Variants in RFX4 observed in about 807,000 individuals in gnomAD.
RFX4 encodes the protein transcription factor RFX4.
RFX4 carries 10 observed loss-of-function variants against 95.0 expected under a neutral mutation model. The ratio of observed to expected loss-of-function variants is 0.11; its 90% CI spans 0.06 to 0.18. RFX4 has a LOEUF of 0.18. Ranked by LOEUF, RFX4 falls within the 10% of genes least tolerant of loss-of-function variation. RFX4 has a pLI of 1.00. For synonymous variants in RFX4, 321 were observed against 340.7 expected (o/e 0.94, Z 0.64); for missense variants, 640 against 922.0 (o/e 0.69, Z 3.96).
intron 14 of RFX4, among the ~76,000 whole-genome samples, chr12:106,732,487 A>G (rs865881366): frequency 2.6e-5 from 4 of 152,164 alleles, no homozygotes; most frequent in Middle Eastern, 3.4e-3. Flanking sequence ...CTCACTTCAG[A>G]CCAGAGTTCA....
At chr12:106,613,544 A>G (rs1365963848) in intron 2 of RFX4, among the ~76,000 whole-genome samples, 1 of 151,744 alleles carries the variant, frequency 6.6e-6, no homozygotes. Flanking sequence ...TTGTATTTTT[A>G]GTTGAGATGG....
At chr12:106,608,357 T>A (rs530060113) in intron 1 of RFX4, among the ~76,000 whole-genome samples, 1 of 152,332 alleles carries the variant, frequency 6.6e-6, no homozygotes, top group East Asian at 1.9e-4. Context: ...TTTTACCTGC[T>A]TTTCTCTTTG....
chr12:106,638,397 T>C (rs149065770), intron 2 of RFX4, among the ~76,000 whole-genome samples: 12 of 152,352 alleles, frequency 7.9e-5, no homozygotes, highest in African/African-American at 2.4e-4. Context: ...ATTTTTACTA[T>C]TGATGCACAA....
At chr12:106,600,114 T>C (rs1318328636) in intron 1 of RFX4, among the ~76,000 whole-genome samples, 1 of 152,162 alleles carries the variant, frequency 6.6e-6, no homozygotes, top group Admixed American at 6.5e-5. Context: ...GCATCTCCTA[T>C]AGCATCTCAT....
chr12:106,661,254 A>G lies in RFX4; in HGVS notation c.315+6903A>G, dbSNP rs2041066898. On this transcript the variant is annotated intron_variant, in intron 4 of 17. Transcript: ENST00000392842. The stretch of plus-strand genomic sequence containing the variant: ...TATTAGCCCAAAACACTTTTCAACT[A>G]GAAATCATAAAATAGCTAACACTGA... 2.6e-5 allele frequency among the ~76,000 whole-genome samples: 4 copies of G among 152,236 alleles called. No homozygotes were observed. In the South Asian group the frequency reaches 8.3e-4, roughly 32 times the overall value.
chr12:106,683,493 A>ACC lies in RFX4; in HGVS notation c.377+1439_377+1440insCC, dbSNP rs1565977762. 2.5e-5 allele frequency: 3 copies of ACC among 121,862 alleles called. 1 individual carries two copies. The highest frequency in any genetic ancestry group is 4.8e-4 in the East Asian group (2 of 4,124). 7.5% of individuals were successfully genotyped at this position (121,862 alleles called of 1,614,324 possible). On this transcript the variant is annotated intron_variant, in intron 5 of 17. Coordinates refer to ENST00000392842, the MANE Select transcript of RFX4 (RefSeq NM_213594.3). Reference sequence around the variant, plus strand: ...AAAAAAAAAAAAAAAAAAAAAAAAAAAAACAAACCTCAGTTATAATTTTAA... The same window carrying ACC: ...AAAAAAAAAAAAAAAAAAAAAAAAAACCAAACAAACCTCAGTTATAATTTTAA...
intron 17 of RFX4, among the ~76,000 whole-genome samples, chr12:106,753,206 C>A (rs1247445005): frequency 6.6e-6 from 1 of 152,148 alleles, no homozygotes; most frequent in Admixed American, 6.5e-5. Context: ...CTCCCTCCCT[C>A]CCCGCAGCCA....
chr12:106,644,230 C>CTTTTTTTTTTTTT (rs756140160), intron 3 of RFX4, among the ~76,000 whole-genome samples: 1 of 128,434 alleles, frequency 7.8e-6, no homozygotes, highest in Non-Finnish European at 1.7e-5. Flanking sequence ...GCCATTTCCC[C>CTTTTTTTTTTTTT]TTTTTTTTTT....
chr12:106,707,971 A>G (rs2042118801), intron 8 of RFX4, among the ~76,000 whole-genome samples: 1 of 152,178 alleles, frequency 6.6e-6, no homozygotes, highest in Non-Finnish European at 1.5e-5. Context: ...CATCTCTACT[A>G]AAAAGACAAA....
chr12:106,689,444 T>G, intron 7 of RFX4, 80 bp downstream of exon 7: 2 of 1,176,734 alleles, frequency 1.7e-6, no homozygotes, highest in East Asian at 2.4e-5. Flanking sequence ...GAGCTCCTGC[T>G]AGGTGCCAGG....
chr12:106,616,976 G>C (rs541143847), intron 2 of RFX4, among the ~76,000 whole-genome samples: 7 of 151,722 alleles, frequency 4.6e-5, no homozygotes, highest in Non-Finnish European at 1.0e-4. Flanking sequence ...CACCATGTTG[G>C]CCAGGTTGGT....
At chr12:106,673,377 A>G (rs2041325411) in intron 4 of RFX4, among the ~76,000 whole-genome samples, 1 of 152,122 alleles carries the variant, frequency 6.6e-6, no homozygotes, top group Non-Finnish European at 1.5e-5. Flanking sequence ...CTCTTGTCCC[A>G]CTTCCGGCTG....
rs574617829 is a variant in RFX4 at position 106,586,533 on chromosome 12, G to C, written c.43+3170G>C. On this transcript the variant is annotated intron_variant, in intron 1 of 17. Transcript: ENST00000392842. The surrounding 1 kb of genome is among the most constrained non-coding windows in gnomAD (Gnocchi z 5.6). ...CAGAAGGATCATTTCTTTTAAAACG[G>C]GATGGCGCGTTAGAGAGGGCCACTG... 7.9e-5 allele frequency among the ~76,000 whole-genome samples: 12 copies of C among 151,382 alleles called. No individual in the cohort carries two copies. The highest frequency in any genetic ancestry group is 2.4e-4 in the African/African-American group (10 of 41,236).
chr12:106,637,962 C>A (rs1028657787), intron 2 of RFX4, among the ~76,000 whole-genome samples: 2 of 151,888 alleles, frequency 1.3e-5, no homozygotes, highest in African/African-American at 4.8e-5. Flanking sequence ...TTTAATTCTT[C>A]TTATTAATAG....
chr12:106,692,793 C>T (rs565384113), intron 7 of RFX4, among the ~76,000 whole-genome samples: 23 of 152,284 alleles, frequency 1.5e-4, no homozygotes, highest in African/African-American at 4.8e-4. Context: ...AATGCCTACA[C>T]GATGCCAAGC....
rs776725614 is a variant in RFX4, at chr12:106,762,559, T to C, written c.*1090T>C. On this transcript the variant is annotated 3_prime_UTR_variant, in exon 18 of 18. Transcript: ENST00000392842. ...AGTAATTTGTGAGGTTTGTTAGAGATTAATATAGGTTTTCTTTCTGTATTA... is the reference window on the plus strand; with the variant it reads ...AGTAATTTGTGAGGTTTGTTAGAGACTAATATAGGTTTTCTTTCTGTATTA... The C allele has an allele frequency of 6.6e-6, 1 of 152,566 alleles. No individual in the cohort carries two copies. Among genetic ancestry groups the C allele is most frequent in the African/African-American group, 2.4e-5 (1 of 41,426 alleles). The allele number at this position is 152,566 out of a possible 1,614,324, so 9.5% of individuals were successfully genotyped here. A position where few individuals can be genotyped will look rare whatever the true frequency, so the allele number is the denominator to read the frequency against.
At chr12:106,585,608 T>C (rs1025887966) in intron 1 of RFX4, 1 of 152,278 alleles carries the variant, frequency 6.6e-6, no homozygotes, top group East Asian at 1.9e-4. Context: ...TTCTTCTGAG[T>C]TTCCCTTGTT....
chr12:106,619,892 A>G (rs752631502), intron 2 of RFX4, among the ~76,000 whole-genome samples: 2 of 151,858 alleles, frequency 1.3e-5, no homozygotes, highest in Non-Finnish European at 2.9e-5. Flanking sequence ...TTAATTTCAG[A>G]TATTGTATTC....
chr12:106,703,034 ATGGTAGTTCATAT>A (rs1414561602), intron 8 of RFX4, among the ~76,000 whole-genome samples: 1 of 152,168 alleles, frequency 6.6e-6, no homozygotes, highest in Non-Finnish European at 1.5e-5. Flanking sequence ...CTATACTCTC[ATGGTAGTTCATAT>A]TGGCCCATTA....
Sources: gnomAD v4.1 joint callset for allele counts (sites outside exome capture counted in the v4.1 genomes callset) on GRCh38, gnomAD v4.1.1 for gene constraint, Gnocchi (gnomAD v3.1) non-coding constraint, MANE v1.5 for transcripts, NCBI Gene and HGNC (gene_info 2026-07-23, HGNC 2026-07-21) for gene names.